SETD1A: variants seen among roughly 807,000 people sequenced by gnomAD.
SETD1A encodes the protein SET domain containing 1A, histone lysine methyltransferase, also known as histone-lysine N-methyltransferase SETD1A.
A neutral mutation model predicts 149.9 loss-of-function variants in SETD1A; 29 were observed. The ratio of observed to expected loss-of-function variants is 0.19; its 90% CI spans 0.14 to 0.26. The LOEUF is 0.26. Ranked by LOEUF, SETD1A falls within the 10% of genes least tolerant of loss-of-function variation. The probability of loss-of-function intolerance (pLI) is 1.00; values close to 1 mark genes in which losing one functional copy is unlikely to be tolerated. For missense variants in SETD1A, 2,109 were observed against 2,353.1 expected, an observed-to-expected ratio of 0.90 and a Z score of 2.15; for synonymous variants, 1,141 against 968.5, an observed-to-expected ratio of 1.18 and a Z score of -3.31.
Position 30,964,994 on chromosome 16 carries a change from A to T in SETD1A, c.1252A>T (p.Ser418Cys), listed in dbSNP as rs994104135. ...CACCTCCTACCTGCCCCCCGAGCCC[A>T]GCCGGCCCACCGACCAGGACTACCG... ...SYTSYLPPEP[S>C]RPTDQDYRPP... Residue 418 changes from serine to cysteine, a missense_variant, in exon 7 of 19, where the codon AGC becomes TGC. Ser to Cys is a moderately radical substitution (Grantham distance 112). Coordinates refer to ENST00000262519, the MANE Select transcript of SETD1A (RefSeq NM_014712.3). 6.2e-7 allele frequency: 1 copy of T among 1,613,702 alleles called. No individual in the cohort carries two copies. Among genetic ancestry groups the T allele is most frequent in the African/African-American group, 1.3e-5 (1 of 74,992 alleles).
chr16:30,965,977 T>C lies in SETD1A; in HGVS notation c.2096T>C (p.Leu699Ser), dbSNP rs1179319160. Reference sequence around the variant, plus strand: ...CATCAGCTGCGGCAGGGCAAGGGATTGATTGCCGCCTCAGCTGGCCCCCCC... The same window carrying C: ...CATCAGCTGCGGCAGGGCAAGGGATCGATTGCCGCCTCAGCTGGCCCCCCC... ...RLHQLRQGKG[L>S]IAASAGPPGG... Residue 699 changes from leucine to serine, a missense_variant, in exon 8 of 19, where the codon TTG becomes TCG. Coordinates refer to ENST00000262519, the MANE Select transcript of SETD1A (RefSeq NM_014712.3). 1.9e-6 allele frequency: 3 copies of C among 1,590,404 alleles called. No individual in the cohort carries two copies. The highest frequency in any genetic ancestry group is 2.6e-6 in the Non-Finnish European group (3 of 1,167,502).
rs550571484 is a variant in SETD1A, at chr16:30,983,981, G to A, written c.5082G>A (p.Pro1694=). 18 of 1,613,958 alleles carry A rather than the reference G, an allele frequency of 1.1e-5. No homozygotes were observed. Among genetic ancestry groups the A allele is most frequent in the Admixed American group, 3.3e-5 (2 of 59,972 alleles). ...YKFPLEDNKI[P]CLCGTESCRG... is the part of the protein sequence containing the mutation. Reference sequence around the variant, plus strand: ...TCCCACTGGAAGACAACAAGATCCCGTGTCTGTGTGGCACAGAGAGCTGCC... The same window carrying A: ...TCCCACTGGAAGACAACAAGATCCCATGTCTGTGTGGCACAGAGAGCTGCC... The change falls in exon 19 of 19, where the codon CCG becomes CCA. Residue 1694 remains proline (P), a synonymous_variant. Transcript: ENST00000262519. This position sits in a 1 kb window ranked among gnomAD's most constrained non-coding sequence, Gnocchi z 6.8.
intron 3 of SETD1A, among the ~76,000 whole-genome samples, chr16:30,960,627 C>G (rs944963879): frequency 1.3e-5 from 2 of 151,930 alleles, no homozygotes; most frequent in African/African-American, 2.4e-5. Context: ...GTGCCTCGTT[C>G]ATGGTAGTTA....
At chr16:30,960,352 G>A (rs977926000) in intron 3 of SETD1A, among the ~76,000 whole-genome samples, 1 of 152,094 alleles carries the variant, frequency 6.6e-6, no homozygotes, top group Non-Finnish European at 1.5e-5. Flanking sequence ...AACGCTTTGC[G>A]GTTTTTCAAA....
chr16:30,959,108 A>T lies in SETD1A; in HGVS notation c.168A>T (p.Pro56=), dbSNP rs756850435. 24 of 1,612,632 alleles carry T rather than the reference A, an allele frequency of 1.5e-5. No individual in the cohort carries two copies. Among genetic ancestry groups the T allele is most frequent in the Non-Finnish European group, 2.0e-5 (24 of 1,178,790 alleles). ...HFSVNDSKYI[P]VEDLQDPRCH... Reference sequence around the variant, plus strand: ...CTTCCTAGGACTCAAAGTATATACCAGTCGAAGACCTCCAAGACCCCCGTT... The same window carrying T: ...CTTCCTAGGACTCAAAGTATATACCTGTCGAAGACCTCCAAGACCCCCGTT... Residue 56 remains proline, a synonymous_variant, in exon 3 of 19, where the codon CCA becomes CCT. Transcript: ENST00000262519.
intron 3 of SETD1A, among the ~76,000 whole-genome samples, chr16:30,959,410 C>T (rs1450316785): frequency 1.3e-5 from 2 of 152,130 alleles, no homozygotes; most frequent in East Asian, 3.9e-4. Context: ...GGGGTGTCGA[C>T]TTCTTGAAGG....
chr16:30,969,766 A>G, intron 12 of SETD1A, 77 bp downstream of exon 12: 1 of 1,152,534 alleles, frequency 8.7e-7, no homozygotes, highest in Non-Finnish European at 1.3e-6. Flanking sequence ...TTCTGAGCCC[A>G]CATGACCTTC....
In SETD1A at chr16:30,979,180, C is replaced by T. The variant is rs1294234824; in HGVS notation, c.3394C>T (p.Arg1132Cys). The change falls in exon 14 of 19, where the codon CGT (arginine) becomes TGT (cysteine). Residue 1132 changes from arginine to cysteine, a missense_variant. Arg to Cys is a radical substitution (Grantham distance 180). Around this residue, in one of 8 missense-constraint regions of SETD1A, gnomAD observed 832 missense variants for 815.6 expected, o/e 1.02. Transcript: ENST00000262519. ...GGAGTCACCCCCCAGTGCGCCTCTG[C>T]GTCCCCCAGAACCACCTGCTGGGCC... ...TEESPPSAPL[R>C]PPEPPAGPPA... The T allele has an allele frequency of 6.9e-6, 11 of 1,585,398 alleles. No homozygotes were observed. The highest frequency in any genetic ancestry group is 6.8e-5 in the East Asian group (3 of 43,838).
chr16:30,963,408 T>C (rs1456055789), intron 4 of SETD1A, 25 bp from the exon 5 acceptor site: 2 of 1,580,080 alleles, frequency 1.3e-6, no homozygotes, highest in Middle Eastern at 1.7e-4. Context: ...CATCTGACAA[T>C]TGGTTCCCAT....
intron 9 of SETD1A, 96 bp from the exon 10 acceptor site, chr16:30,967,405 T>C (rs2056163146): frequency 1.8e-6 from 2 of 1,087,644 alleles, no homozygotes; most frequent in South Asian, 2.5e-5. Context: ...CTACCTGCCT[T>C]GGCCTCCCAA....
In SETD1A at chr16:30,980,386, C is replaced by T; in HGVS notation, c.4409-99C>T. 4 of 1,488,946 alleles carry T rather than the reference C, an allele frequency of 2.7e-6. No individual in the cohort carries two copies. Among genetic ancestry groups the T allele is most frequent in the Non-Finnish European group, 3.6e-6 (4 of 1,103,678 alleles). The allele number at this position is 1,488,946 out of a possible 1,614,324, so 92.2% of individuals were successfully genotyped here. On this transcript the variant is annotated intron_variant, in intron 14 of 18. Transcript: ENST00000262519. The surrounding 1 kb of genome is among the most constrained non-coding windows in gnomAD (Gnocchi z 7.7). ...TGGGGCTGGGGCTTCCTCCCCTGTC[C>T]CTCACCTGGGTATGCTCAGCGGCGT...
At position 30,983,622 on chromosome 16, in the gene SETD1A, C is replaced by G; in HGVS notation, c.4813-13C>G. 6.2e-7 allele frequency: 1 copy of G among 1,610,090 alleles called. No individual in the cohort carries two copies. Among genetic ancestry groups the G allele is most frequent in the Non-Finnish European group, 8.5e-7 (1 of 1,178,994 alleles). On this transcript the variant is annotated splice_polypyrimidine_tract_variant and intron_variant, in intron 17 of 18. Transcript: ENST00000262519. This position sits in a 1 kb window ranked among gnomAD's most constrained non-coding sequence, Gnocchi z 6.8. ...GGGGACTCTTCCCTGACCATCGCATCTCACCCTGGCAGATGGTGGCCGACA... is the reference window on the plus strand; with the variant it reads ...GGGGACTCTTCCCTGACCATCGCATGTCACCCTGGCAGATGGTGGCCGACA...
At chr16:30,971,750 CTGTG>C (rs756047114) in intron 13 of SETD1A, 31 bp downstream of exon 13, 2 of 1,525,798 alleles carry the variant, frequency 1.3e-6, no homozygotes, top group Non-Finnish European at 1.8e-6. Flanking sequence ...GGTTAGATCG[CTGTG>C]TGTGTGAGAG....
chr16:30,971,226 G>T, intron 12 of SETD1A, 152 bp from the exon 13 acceptor site: 1 of 767,364 alleles, frequency 1.3e-6, no homozygotes. Context: ...ATCTCACAGT[G>T]AAAATGGTTT....
Position 30,980,416 on chromosome 16 carries a change from C to T in SETD1A, c.4409-69C>T. ...CCTGGGTATGCTCAGCGGCGTGGGCCCCGCCCTCTCCTTTGGCTGGGACGC... is the reference window on the plus strand; with the variant it reads ...CCTGGGTATGCTCAGCGGCGTGGGCTCCGCCCTCTCCTTTGGCTGGGACGC... On this transcript the variant is annotated intron_variant, in intron 14 of 18. Transcript: ENST00000262519. This position sits in a 1 kb window ranked among gnomAD's most constrained non-coding sequence, Gnocchi z 7.7. The T allele has an allele frequency of 6.5e-7, 1 of 1,550,234 alleles. No homozygotes were observed.
chr16:30,962,540 G>A (rs918994903), intron 4 of SETD1A, among the ~76,000 whole-genome samples: 3 of 152,216 alleles, frequency 2.0e-5, no homozygotes, highest in Non-Finnish European at 4.4e-5. Flanking sequence ...GGAGCAGTGG[G>A]GTCTGTGGCG....
chr16:30,978,857 G>A lies in SETD1A; in HGVS notation c.3359-288G>A, dbSNP rs1412437463. On this transcript the variant is annotated intron_variant, in intron 13 of 18. Coordinates refer to ENST00000262519, the MANE Select transcript of SETD1A (RefSeq NM_014712.3). ...TCTCAGCGTGGTTACAGCTTGTTGT[G>A]ATGGTGTCTCCTGTTGGACTGTGGC... is the stretch of plus-strand genomic sequence containing the variant. Among the ~76,000 whole-genome samples, 3 of 152,232 alleles carry A rather than the reference G, an allele frequency of 2.0e-5. No individual in the cohort carries two copies. In the East Asian group the frequency reaches 5.8e-4, roughly 29 times the overall value.
At position 30,963,613 on chromosome 16, in the gene SETD1A, G is replaced by A. The variant is rs954691310; in HGVS notation, c.639+59G>A. ...ATGTGGGCATGGTGTCCGGGTGCCC[G>A]GAGCAGGAGCAGTCTTCGGGAGGTT... On this transcript the variant is annotated intron_variant, in intron 5 of 18. Transcript: ENST00000262519. 4.5e-5 allele frequency: 69 copies of A among 1,536,144 alleles called. No individual in the cohort carries two copies. In the African/African-American group the frequency reaches 6.1e-4, roughly 14 times the overall value.
At chr16:30,963,280 C>T (rs1442526947) in intron 4 of SETD1A, among the ~76,000 whole-genome samples, 153 bp from the exon 5 acceptor site, 1 of 152,074 alleles carries the variant, frequency 6.6e-6, no homozygotes, top group Non-Finnish European at 1.5e-5. Flanking sequence ...GGTAGAAGGT[C>T]CCAAAGGTAG....
Sources: gnomAD v4.1 joint callset for allele counts (sites outside exome capture counted in the v4.1 genomes callset) on GRCh38, gnomAD v4.1.1 for gene constraint, gnomAD v4.1.1 regional missense constraint, Gnocchi (gnomAD v3.1) non-coding constraint, MANE v1.5 for transcripts, NCBI Gene and HGNC (gene_info 2026-07-23, HGNC 2026-07-21) for gene names.